Variants in KCNIP4 observed in about 807,000 individuals in gnomAD.
KCNIP4 encodes Kv channel-interacting protein 4.
In KCNIP4, 12 loss-of-function variants were observed where a neutral mutation model predicts 34.0. The observed-to-expected ratio is 0.35, with a 90% confidence interval of 0.23 to 0.57. The LOEUF (loss-of-function observed/expected upper bound fraction) is 0.57, where lower values mean the gene tolerates loss of function less well. Among genes scored for constraint, KCNIP4 ranks in the 20% least tolerant of loss-of-function variants. The pLI, the probability that KCNIP4 is intolerant of heterozygous loss-of-function variation, is 0.83. For missense variants in KCNIP4, 238 were observed against 311.7 expected, an observed-to-expected ratio of 0.76 and a Z score of 1.78; for synonymous variants, 124 against 102.2, an observed-to-expected ratio of 1.21 and a Z score of -1.29.
At chr4:21,445,399 C>T (rs1253386924) in intron 1 of KCNIP4, among the ~76,000 whole-genome samples, 3 of 152,168 alleles carry the variant, frequency 2.0e-5, no homozygotes, top group African/African-American at 7.2e-5. Context: ...GTAACCAAAA[C>T]AGCATGGTAC....
chr4:21,914,507 T>C (rs975074711), intron 1 of KCNIP4, among the ~76,000 whole-genome samples: 7 of 152,122 alleles, frequency 4.6e-5, no homozygotes, highest in African/African-American at 1.7e-4. Flanking sequence ...CAGCTCATGG[T>C]CTCTGCACCA....
At chr4:20,878,881 A>C (rs1331418098) in intron 2 of KCNIP4, among the ~76,000 whole-genome samples, 2 of 152,104 alleles carry the variant, frequency 1.3e-5, no homozygotes, top group Non-Finnish European at 2.9e-5. Flanking sequence ...AAAAGAGACA[A>C]AAAAAAGTGA....
chr4:21,340,039 A>G (rs1409042481), intron 1 of KCNIP4, among the ~76,000 whole-genome samples: 1 of 152,134 alleles, frequency 6.6e-6, no homozygotes, highest in Non-Finnish European at 1.5e-5. Flanking sequence ...TCTGTACACC[A>G]TAGGCACTAT....
At chr4:21,729,620 A>G (rs1436810017) in intron 1 of KCNIP4, among the ~76,000 whole-genome samples, 1 of 152,146 alleles carries the variant, frequency 6.6e-6, no homozygotes, top group Non-Finnish European at 1.5e-5. Flanking sequence ...GAAAAGAATT[A>G]ATACAAGAAT....
At chr4:21,017,541 A>G (rs887782262) in intron 1 of KCNIP4, among the ~76,000 whole-genome samples, 2 of 152,120 alleles carry the variant, frequency 1.3e-5, no homozygotes, top group African/African-American at 4.8e-5. Context: ...TTATGGCAGC[A>G]TAGTATTCCA....
chr4:21,147,750 C>T (rs1245603459), intron 1 of KCNIP4, among the ~76,000 whole-genome samples: 2 of 151,618 alleles, frequency 1.3e-5, no homozygotes, highest in African/African-American at 4.8e-5. Flanking sequence ...ACCAGCCTGA[C>T]CAACATGGTG....
At chr4:21,915,134 C>T (rs137997699) in intron 1 of KCNIP4, among the ~76,000 whole-genome samples, 2 of 152,262 alleles carry the variant, frequency 1.3e-5, no homozygotes, top group East Asian at 3.9e-4. Flanking sequence ...AAGGACACTG[C>T]TGTAACTACT....
chr4:20,987,298 G>A (rs1024770729), intron 1 of KCNIP4, among the ~76,000 whole-genome samples: 10 of 152,066 alleles, frequency 6.6e-5, no homozygotes, highest in Non-Finnish European at 1.5e-4. Context: ...TAACTTGCTA[G>A]CCCCAACCCA....
chr4:21,837,544 A>AG (rs1346181962), intron 1 of KCNIP4, among the ~76,000 whole-genome samples: 17 of 142,664 alleles, frequency 1.2e-4, no homozygotes, highest in Admixed American at 1.1e-3. Context: ...AAAAAAAAAA[A>AG]AAAGAAAAAG....
chr4:21,084,086 C>A (rs1375937777), intron 1 of KCNIP4, among the ~76,000 whole-genome samples: 1 of 151,794 alleles, frequency 6.6e-6, no homozygotes, highest in East Asian at 1.9e-4. Flanking sequence ...TGCTGTGGCT[C>A]CAGCAGGACT....
Position 20,749,704 on chromosome 4 carries a change from G to A in KCNIP4, c.387C>T (p.Phe129=). Residue 129 remains phenylalanine, a synonymous_variant, in exon 5 of 9, where the codon TTC becomes TTT. Coordinates refer to ENST00000382152, the MANE Select transcript of KCNIP4 (RefSeq NM_025221.6). ...GDSTTYAHFL[F]NAFDTDHNGA... is the part of the protein sequence containing the mutation. ...CATTGTGGTCTGTATCAAATGCATT[G>A]AACAGAAAATGTGCATATGTTGTAG... is the stretch of plus-strand genomic sequence containing the variant. The A allele has an allele frequency of 6.2e-7, 1 of 1,609,180 alleles. No individual in the cohort carries two copies. Among genetic ancestry groups the A allele is most frequent in the South Asian group, 1.1e-5 (1 of 90,504 alleles).
intron 1 of KCNIP4, among the ~76,000 whole-genome samples, chr4:21,565,624 A>C (rs1380428525): frequency 6.6e-6 from 1 of 152,080 alleles, no homozygotes; most frequent in Non-Finnish European, 1.5e-5. Context: ...TACAACATTC[A>C]CCTAAAGCAA....
intron 3 of KCNIP4, among the ~76,000 whole-genome samples, chr4:20,841,204 A>T (rs1460590132): frequency 6.6e-6 from 1 of 152,224 alleles, no homozygotes; most frequent in South Asian, 2.1e-4. Context: ...GTGAGAGAAG[A>T]TAAAAATTTT....
intron 1 of KCNIP4, among the ~76,000 whole-genome samples, chr4:21,578,252 G>C (rs568288228): frequency 3.9e-4 from 55 of 139,784 alleles, no homozygotes; most frequent in African/African-American, 1.4e-3. Flanking sequence ...AGAATTGCCT[G>C]AACCCGGGAG....
intron 1 of KCNIP4, among the ~76,000 whole-genome samples, chr4:21,781,348 A>C (rs1353658318): frequency 2.0e-5 from 3 of 152,126 alleles, no homozygotes; most frequent in Non-Finnish European, 4.4e-5. Flanking sequence ...CTGTGAGTCA[A>C]TTAACTCCTT....
Position 21,607,510 on chromosome 4 carries a change from A to G in KCNIP4, c.61+341061T>C, listed in dbSNP as rs1743800446. On this transcript the variant is annotated intron_variant, in intron 1 of 8. Transcript: ENST00000382152. ...GTCTACACTCCAAATTCCCAAAGTG[A>G]ATGAATGGCTCAGGAGATCCCAGAA... Among the ~76,000 whole-genome samples, 3 of 151,958 alleles carry G rather than the reference A, an allele frequency of 2.0e-5. No homozygotes were observed. In the South Asian group the frequency reaches 6.2e-4, roughly 32 times the overall value.
chr4:21,666,931 G>A (rs75507843), intron 1 of KCNIP4, among the ~76,000 whole-genome samples: 5,103 of 152,264 alleles, frequency 0.034, 122 homozygotes, highest in Non-Finnish European at 0.053. Context: ...AATAAACAGA[G>A]AAGAAAGAAG....
At chr4:21,377,780 A>C (rs1468436065) in intron 1 of KCNIP4, among the ~76,000 whole-genome samples, 1 of 152,194 alleles carries the variant, frequency 6.6e-6, no homozygotes, top group Non-Finnish European at 1.5e-5. Flanking sequence ...CCCTTACAAC[A>C]TATTATAGTT....
chr4:21,743,141 G>A (rs1716532032), intron 1 of KCNIP4, among the ~76,000 whole-genome samples: 1 of 152,088 alleles, frequency 6.6e-6, no homozygotes, highest in South Asian at 2.1e-4. Flanking sequence ...CAAACTTGGT[G>A]GGTTGGTTTA....
Sources: gnomAD v4.1 joint callset for allele counts (sites outside exome capture counted in the v4.1 genomes callset) on GRCh38, gnomAD v4.1.1 for gene constraint, MANE v1.5 for transcripts, NCBI Gene and HGNC (gene_info 2026-07-23, HGNC 2026-07-21) for gene names.